CALN1: variants seen among roughly 807,000 people sequenced by gnomAD.
CALN1 encodes the protein calneuron 1.
In CALN1, 17 loss-of-function variants were observed where a neutral mutation model predicts 30.6. The ratio of observed to expected loss-of-function variants is 0.56; its 90% CI spans 0.38 to 0.83. The LOEUF is 0.83. CALN1 is among the 40% of genes least tolerant of loss of function. CALN1 has a pLI of 0.00. For missense variants in CALN1, 291 were observed against 354.9 expected (o/e 0.82, Z 1.45); for synonymous variants, 156 against 131.4 (o/e 1.19, Z -1.28).
At position 72,269,344 on chromosome 7, in the gene CALN1, G is replaced by T. The variant is rs576420432; in HGVS notation, c.244+9342C>A. On this transcript the variant is annotated intron_variant, in intron 3 of 6. Transcript: ENST00000395275. Reference sequence around the variant, plus strand: ...TTTAACATTAGGTATATCTCCTAATGCTATCCCTCCCCCCTGCCCCCACTC... The same window carrying T: ...TTTAACATTAGGTATATCTCCTAATTCTATCCCTCCCCCCTGCCCCCACTC... Among the ~76,000 whole-genome samples, 5 of 152,072 alleles carry T rather than the reference G, an allele frequency of 3.3e-5. No homozygotes were observed. In the East Asian group the frequency reaches 7.7e-4, roughly 24 times the overall value.
At chr7:72,402,195 G>A (rs890108842) in intron 2 of CALN1, among the ~76,000 whole-genome samples, 7 of 152,138 alleles carry the variant, frequency 4.6e-5, no homozygotes, top group African/African-American at 1.7e-4. Context: ...CTTGGCCAGG[G>A]GTCTCATCAG....
chr7:72,148,936 A>G (rs1209878632), intron 3 of CALN1, among the ~76,000 whole-genome samples: 2 of 141,478 alleles, frequency 1.4e-5, no homozygotes, highest in Admixed American at 7.0e-5. Context: ...AAGAAAAAAA[A>G]GAAGGAAGGA....
chr7:72,301,047 T>C (rs1036753766), intron 2 of CALN1, among the ~76,000 whole-genome samples: 4 of 152,094 alleles, frequency 2.6e-5, no homozygotes, highest in African/African-American at 4.8e-5. Flanking sequence ...AAGACCATCA[T>C]TGGCCCAAAA....
chr7:72,183,372 G>T (rs947180821), intron 3 of CALN1, among the ~76,000 whole-genome samples: 1 of 152,150 alleles, frequency 6.6e-6, no homozygotes, highest in Admixed American at 6.6e-5. Flanking sequence ...ACAAAAAGAC[G>T]AATTAGAAAT....
intron 2 of CALN1, among the ~76,000 whole-genome samples, chr7:72,301,501 G>A (rs1179064690): frequency 2.6e-5 from 4 of 151,632 alleles, no homozygotes; most frequent in Admixed American, 2.6e-4. Flanking sequence ...CCAGCTACTC[G>A]GGAGGCTGAG....
intron 1 of CALN1, among the ~76,000 whole-genome samples, chr7:72,424,066 C>T (rs1299899510): frequency 6.6e-6 from 1 of 151,068 alleles, no homozygotes; most frequent in Non-Finnish European, 1.5e-5. Flanking sequence ...ATACATGCAC[C>T]TGAATTTGTA....
chr7:72,168,656 T>C (rs1450478164), intron 3 of CALN1, among the ~76,000 whole-genome samples: 1 of 152,158 alleles, frequency 6.6e-6, no homozygotes, highest in Non-Finnish European at 1.5e-5. Flanking sequence ...CTGTGTAGTC[T>C]AATTCAGTCT....
intron 6 of CALN1, among the ~76,000 whole-genome samples, chr7:71,808,137 G>GTACCTAACCATGGTTAGA (rs1787729191): frequency 6.6e-6 from 1 of 151,730 alleles, no homozygotes; most frequent in Non-Finnish European, 1.5e-5. Flanking sequence ...TAATGGTTAG[G>GTACCTAACCATGGTTAGA]TACCTAACCA....
At chr7:71,831,206 C>T (rs527982514) in intron 5 of CALN1, among the ~76,000 whole-genome samples, 4 of 152,096 alleles carry the variant, frequency 2.6e-5, no homozygotes, top group Non-Finnish European at 5.9e-5. Context: ...TAGGGCCAGG[C>T]GCGGTGGCTC....
At chr7:72,165,993 C>G (rs1015752807) in intron 3 of CALN1, among the ~76,000 whole-genome samples, 5 of 152,028 alleles carry the variant, frequency 3.3e-5, no homozygotes, top group Non-Finnish European at 7.4e-5. Flanking sequence ...GGTGGCTGAC[C>G]CAGCAATTTT....
intron 5 of CALN1, among the ~76,000 whole-genome samples, chr7:71,823,832 G>A (rs866076732): frequency 6.6e-6 from 1 of 152,154 alleles, no homozygotes; most frequent in Non-Finnish European, 1.5e-5. Context: ...CCTCACAATC[G>A]TGGCAGAAGA....
chr7:71,793,152 A>G (rs909294638), intron 6 of CALN1, among the ~76,000 whole-genome samples: 127 of 152,016 alleles, frequency 8.4e-4, no homozygotes, highest in Non-Finnish European at 1.3e-3. Flanking sequence ...TAAAAACACA[A>G]AAAATTTGCT....
intron 4 of CALN1, among the ~76,000 whole-genome samples, chr7:72,038,046 C>T (rs1801907941): frequency 6.6e-6 from 1 of 152,196 alleles, no homozygotes; most frequent in Non-Finnish European, 1.5e-5. Context: ...CAATAGGGGG[C>T]CAGGTGCACC....
intron 4 of CALN1, among the ~76,000 whole-genome samples, chr7:72,082,139 AC>A (rs1189134578): frequency 1.3e-5 from 2 of 152,126 alleles, no homozygotes; most frequent in South Asian, 2.1e-4. Context: ...GGCATGTGCC[AC>A]CGGGCCGGCT....
intron 3 of CALN1, among the ~76,000 whole-genome samples, chr7:72,146,941 T>A (rs946978895): frequency 5.3e-4 from 81 of 152,292 alleles, no homozygotes; most frequent in African/African-American, 1.9e-3. Flanking sequence ...CTGGATCCCT[T>A]CCTTACACCT....
chr7:72,335,571 G>A (rs1008184244), intron 2 of CALN1, among the ~76,000 whole-genome samples: 1 of 151,898 alleles, frequency 6.6e-6, no homozygotes, highest in Non-Finnish European at 1.5e-5. Context: ...TATTCCCTGA[G>A]CCCAAAAAAG....
chr7:72,294,132 A>G (rs1377219031), intron 2 of CALN1, among the ~76,000 whole-genome samples: 1 of 152,122 alleles, frequency 6.6e-6, no homozygotes, highest in Non-Finnish European at 1.5e-5. Flanking sequence ...CAGAATAATA[A>G]TGGCTTCTGA....
At chr7:72,027,839 C>T (rs572413037) in intron 4 of CALN1, among the ~76,000 whole-genome samples, 7 of 151,222 alleles carry the variant, frequency 4.6e-5, no homozygotes, top group Non-Finnish European at 7.4e-5. Flanking sequence ...GGGCGGATCA[C>T]GAGGTCAGGA....
chr7:72,063,685 T>C (rs1803820729), intron 4 of CALN1, among the ~76,000 whole-genome samples: 1 of 152,202 alleles, frequency 6.6e-6, no homozygotes, highest in Non-Finnish European at 1.5e-5. Context: ...AGGTTGAGTA[T>C]CCCTAATCCT....
Sources: allele counts gnomAD v4.1 joint callset (sites outside exome capture counted in the v4.1 genomes callset), GRCh38; gene constraint gnomAD v4.1.1; transcripts MANE v1.5; gene names NCBI Gene and HGNC (gene_info 2026-07-23, HGNC 2026-07-21).